Variants in NBAS observed in about 807,000 individuals in gnomAD.
The protein encoded by NBAS is NBAS subunit of NRZ tethering complex.
NBAS carries 219 observed loss-of-function variants against 302.5 expected under a neutral mutation model. The ratio of observed to expected loss-of-function variants is 0.72; its 90% CI spans 0.65 to 0.81. The LOEUF (loss-of-function observed/expected upper bound fraction) is 0.81. Among genes scored for constraint, NBAS ranks in the 30% least tolerant of loss-of-function variants. The probability of loss-of-function intolerance (pLI) is 0.00; values close to 1 mark genes in which losing one functional copy is unlikely to be tolerated. For synonymous variants in NBAS, 1,118 were observed against 1,021.6 expected, an observed-to-expected ratio of 1.09 and a Z score of -1.80; for missense variants, 2,932 against 2,841.6, an observed-to-expected ratio of 1.03 and a Z score of -0.72.
At chr2:15,236,585 C>T (rs1303105641) in intron 45 of NBAS, among the ~76,000 whole-genome samples, 3 of 110,644 alleles carry the variant, frequency 2.7e-5, no homozygotes, top group South Asian at 3.1e-4. Context: ...AGAGTAATGA[C>T]AATTCTCTGG....
rs34710254 is a variant in NBAS, at chr2:15,333,366, C to T, written c.4180-2601G>A. Among the ~76,000 whole-genome samples the T allele has an allele frequency of 3.6e-3, 552 of 152,162 alleles. 3 individuals are homozygous for T. The highest frequency in any genetic ancestry group is 0.01 in the Middle Eastern group (3 of 294). On this transcript the variant is annotated intron_variant, in intron 35 of 51. Coordinates refer to ENST00000281513, the MANE Select transcript of NBAS (RefSeq NM_015909.4). ...GGATGAAAGAAGGTAGAGGTAAGCC[C>T]AGCAAGAGACCTATAAACCACGCCA...
chr2:15,343,842 A>T (rs2148276050), intron 35 of NBAS, among the ~76,000 whole-genome samples: 1 of 152,070 alleles, frequency 6.6e-6, no homozygotes, highest in South Asian at 2.1e-4. Context: ...TAATACATAA[A>T]AGAAAATATT....
chr2:15,092,829 T>C, the NBAS span, among the ~76,000 whole-genome samples: 2 of 152,208 alleles, frequency 1.3e-5, no homozygotes, highest in Non-Finnish European at 2.9e-5. Context: ...TTAAGTCAAA[T>C]TGAAATCATA....
chr2:15,088,864 A>G, the NBAS span, among the ~76,000 whole-genome samples: 2 of 152,198 alleles, frequency 1.3e-5, no homozygotes, highest in Admixed American at 1.3e-4. Context: ...ACCGATTTGG[A>G]TGGGAGAGAA....
intron 21 of NBAS, among the ~76,000 whole-genome samples, chr2:15,454,514 T>C (rs1297650702): frequency 6.6e-6 from 1 of 152,218 alleles, no homozygotes; most frequent in Non-Finnish European, 1.5e-5. Context: ...ATGGATGTAT[T>C]AGGAAACAAC....
chr2:14,912,714 A>AAAG, the NBAS span, among the ~76,000 whole-genome samples: 21 of 51,902 alleles, frequency 4.0e-4, no homozygotes, highest in African/African-American at 2.0e-3. Context: ...AAAAAAAAAA[A>AAAG]AAAAAAAAAA....
In NBAS at chr2:15,234,600, T is replaced by C; in HGVS notation, c.6091A>G (p.Ile2031Val). 1 of 1,614,156 alleles carries C rather than the reference T, an allele frequency of 6.2e-7. No individual in the cohort carries two copies. The highest frequency in any genetic ancestry group is 2.2e-5 in the East Asian group (1 of 44,882). The change falls in exon 46 of 52, where the codon ATC becomes GTC. Residue 2031 changes from isoleucine (I) to valine (V), a missense_variant. Transcript: ENST00000281513. ...LLEVAVGPLD[I>V]SPKDIVQSAI... ...CTCTGCACTATATCCTTGGGTGAGA[T>C]GTCAAGAGGGCCAACTGCCACCTCT... is the stretch of plus-strand genomic sequence containing the variant.
chr2:15,373,579 C>T (rs1674587819), intron 31 of NBAS, among the ~76,000 whole-genome samples: 1 of 152,212 alleles, frequency 6.6e-6, no homozygotes, highest in Non-Finnish European at 1.5e-5. Context: ...GAACCTCCTA[C>T]ATCAGCATCC....
chr2:15,069,460 TTC>T, the NBAS span, among the ~76,000 whole-genome samples: 1 of 152,106 alleles, frequency 6.6e-6, no homozygotes, highest in Admixed American at 6.5e-5. Flanking sequence ...TGCTAATGAG[TTC>T]TTTTTCTGAA....
chr2:15,131,748 C>G, the NBAS span, among the ~76,000 whole-genome samples: 1 of 152,150 alleles, frequency 6.6e-6, no homozygotes, highest in East Asian at 1.9e-4. Flanking sequence ...GTTTAATTGG[C>G]TCACAGTTCT....
At chr2:14,925,101 A>AT in the NBAS span, among the ~76,000 whole-genome samples, 259 of 152,296 alleles carry the variant, frequency 1.7e-3, 1 homozygote, top group African/African-American at 6.1e-3. Context: ...TCCCCAAGGA[A>AT]TTTTCACAAA....
rs575964629 is a variant in NBAS at position 15,305,441 on chromosome 2, C to A, written c.4797+2775G>T. ...TCTCTTTCTTTATAAATTACTCAGT[C>A]TCGAGCAGTTTTTTTTTTTTTTTTT... On this transcript the variant is annotated intron_variant, in intron 40 of 51. Coordinates refer to ENST00000281513, the MANE Select transcript of NBAS (RefSeq NM_015909.4). 1.5e-3 allele frequency among the ~76,000 whole-genome samples: 225 copies of A among 146,534 alleles called. 1 individual carries two copies. Among genetic ancestry groups the A allele is most frequent in the Non-Finnish European group, 2.6e-3 (173 of 67,328 alleles).
At chr2:14,788,987 A>G in the NBAS span, among the ~76,000 whole-genome samples, 1 of 152,220 alleles carries the variant, frequency 6.6e-6, no homozygotes, top group Non-Finnish European at 1.5e-5. Flanking sequence ...GGCTCCACCC[A>G]GTTGGAGCTT....
the NBAS span, among the ~76,000 whole-genome samples, chr2:15,098,879 T>C: frequency 6.6e-6 from 1 of 151,362 alleles, no homozygotes; most frequent in South Asian, 2.1e-4. Context: ...TAAATAGTGA[T>C]GACACAGATC....
chr2:14,876,676 T>G, the NBAS span, among the ~76,000 whole-genome samples: 1 of 152,234 alleles, frequency 6.6e-6, no homozygotes, highest in African/African-American at 2.4e-5. Context: ...AGAATTATTA[T>G]TTTTGGTTGG....
At chr2:15,348,012 A>T (rs1383926996) in intron 35 of NBAS, among the ~76,000 whole-genome samples, 4 of 152,242 alleles carry the variant, frequency 2.6e-5, no homozygotes. Flanking sequence ...GAAAGTCTTA[A>T]GTATTAAAGT....
intron 35 of NBAS, among the ~76,000 whole-genome samples, chr2:15,336,260 ATATT>A (rs1672579803): frequency 6.6e-6 from 1 of 152,134 alleles, no homozygotes. Context: ...TAATATATTG[ATATT>A]TACTTTTTTG....
chr2:14,846,738 T>C, the NBAS span, among the ~76,000 whole-genome samples: 2 of 152,204 alleles, frequency 1.3e-5, no homozygotes, highest in East Asian at 3.9e-4. Flanking sequence ...GAGAATTAAG[T>C]TGTTATCAAC....
chr2:15,545,559 A>G (rs533259699), intron 6 of NBAS, among the ~76,000 whole-genome samples: 2 of 152,350 alleles, frequency 1.3e-5, no homozygotes, highest in African/African-American at 4.8e-5. Flanking sequence ...CAATTTAGGG[A>G]AAAATTCCAC....
Sources: gnomAD v4.1 joint callset for allele counts (sites outside exome capture counted in the v4.1 genomes callset) on GRCh38, gnomAD v4.1.1 for gene constraint, MANE v1.5 for transcripts, NCBI Gene and HGNC (gene_info 2026-07-23, HGNC 2026-07-21) for gene names.